GRIA1: variants seen among roughly 807,000 people sequenced by gnomAD.
GRIA1 encodes the protein glutamate receptor 1.
In GRIA1, 31 loss-of-function variants were observed where a neutral mutation model predicts 99.2. That is an observed-to-expected ratio of 0.31 (90% confidence interval 0.23 to 0.42). The LOEUF (loss-of-function observed/expected upper bound fraction) is 0.42, where lower values mean the gene tolerates loss of function less well. GRIA1 is among the 10% of genes least tolerant of loss of function. The pLI is 1.00. For missense variants in GRIA1, 782 were observed against 1,157.5 expected, an observed-to-expected ratio of 0.68 and a Z score of 4.71; for synonymous variants, 438 against 432.4, an observed-to-expected ratio of 1.01 and a Z score of -0.16.
intron 11 of GRIA1, among the ~76,000 whole-genome samples, chr5:153,725,046 C>G (rs988031481): frequency 5.3e-4 from 80 of 152,338 alleles, no homozygotes; most frequent in African/African-American, 1.7e-3. Context: ...AACAGCGGAT[C>G]TCTCGGCAGA....
At chr5:153,617,618 C>T (rs896701084) in intron 2 of GRIA1, among the ~76,000 whole-genome samples, 7 of 152,160 alleles carry the variant, frequency 4.6e-5, no homozygotes, top group African/African-American at 1.7e-4. Flanking sequence ...TTTCATTGAT[C>T]TCCTTGCCTC....
At chr5:153,636,890 G>A (rs11741455) in intron 2 of GRIA1, among the ~76,000 whole-genome samples, 11,355 of 152,288 alleles carry the variant, frequency 0.075, 556 homozygotes, top group Non-Finnish European at 0.11. Flanking sequence ...TGGACTCTCA[G>A]GGGATGGAGT....
chr5:153,496,010 C>T (rs1341908041), intron 2 of GRIA1, among the ~76,000 whole-genome samples: 2 of 152,198 alleles, frequency 1.3e-5, no homozygotes, highest in Admixed American at 6.5e-5. Context: ...TGTATTCACT[C>T]ATGCTGCTGA....
intron 1 of GRIA1, 42 bp from the exon 2 acceptor site, chr5:153,493,886 G>C: frequency 1.2e-6 from 2 of 1,610,466 alleles, no homozygotes; most frequent in Non-Finnish European, 1.7e-6. Context: ...ACTAAAACCT[G>C]TCTCTAGCCC....
At chr5:153,575,735 C>T (rs1026708586) in intron 2 of GRIA1, among the ~76,000 whole-genome samples, 1 of 152,202 alleles carries the variant, frequency 6.6e-6, no homozygotes, top group African/African-American at 2.4e-5. Flanking sequence ...CAAAGACTTT[C>T]TGATGTTCCC....
At chr5:153,552,122 T>C (rs1042655663) in intron 2 of GRIA1, among the ~76,000 whole-genome samples, 3 of 151,932 alleles carry the variant, frequency 2.0e-5, no homozygotes, top group Non-Finnish European at 4.4e-5. Flanking sequence ...ATGGATTGCA[T>C]CCAGTGATTT....
chr5:153,621,315 G>A (rs1292653695), intron 2 of GRIA1, among the ~76,000 whole-genome samples: 1 of 152,094 alleles, frequency 6.6e-6, no homozygotes, highest in African/African-American at 2.4e-5. Context: ...AGAAATTAAG[G>A]TTTAGGACAG....
intron 13 of GRIA1, among the ~76,000 whole-genome samples, chr5:153,780,420 C>T (rs899192066): frequency 6.6e-6 from 1 of 152,198 alleles, no homozygotes; most frequent in African/African-American, 2.4e-5. Context: ...CCCAGGTCTG[C>T]TAGTTAATAA....
intron 2 of GRIA1, among the ~76,000 whole-genome samples, chr5:153,590,186 C>G (rs981518280): frequency 4.6e-5 from 7 of 151,940 alleles, no homozygotes; most frequent in African/African-American, 1.2e-4. Context: ...TTCAGAAGAA[C>G]AGTTTCCTTC....
intron 2 of GRIA1, chr5:153,494,309 T>C (rs148615114): frequency 2.1e-6 from 1 of 477,230 alleles, no homozygotes; most frequent in African/African-American, 1.9e-5. Flanking sequence ...GCCAGCACGA[T>C]GGGTGCTTGG....
At chr5:153,490,008 C>T (rs79673965), upstream of GRIA1, among the ~76,000 whole-genome samples, 1,367 of 152,094 alleles carry the variant, frequency 9.0e-3, 32 homozygotes, top group African/African-American at 0.031. Flanking sequence ...GTCAAAATAC[C>T]TGCCAGTCAC....
intron 11 of GRIA1, among the ~76,000 whole-genome samples, chr5:153,752,499 T>C (rs953409029): frequency 2.0e-5 from 3 of 152,228 alleles, no homozygotes; most frequent in Non-Finnish European, 4.4e-5. Flanking sequence ...TTAAATATAC[T>C]GTGAGCTAAC....
At chr5:153,547,079 C>T (rs763190386) in intron 2 of GRIA1, among the ~76,000 whole-genome samples, 53 of 152,264 alleles carry the variant, frequency 3.5e-4, no homozygotes, top group Non-Finnish European at 5.0e-4. Flanking sequence ...AAGCTTAACC[C>T]GTGGGCCTCA....
intron 11 of GRIA1, among the ~76,000 whole-genome samples, chr5:153,751,676 C>T: frequency 6.6e-6 from 1 of 152,248 alleles, no homozygotes; most frequent in South Asian, 2.1e-4. Flanking sequence ...ACATTAGAAG[C>T]ACACATTTAA....
chr5:153,664,202 A>G (rs1203290411), intron 5 of GRIA1, among the ~76,000 whole-genome samples: 3 of 152,186 alleles, frequency 2.0e-5, no homozygotes, highest in Admixed American at 1.3e-4. Context: ...TTTTAGGTAA[A>G]TACTTACTAT....
intron 2 of GRIA1, among the ~76,000 whole-genome samples, chr5:153,537,227 G>T (rs1758663142): frequency 6.6e-6 from 1 of 152,124 alleles, no homozygotes; most frequent in Admixed American, 6.5e-5. Context: ...CATATCCCTG[G>T]CTCCTGACAC....
intron 8 of GRIA1, among the ~76,000 whole-genome samples, chr5:153,690,616 C>T (rs1004296636): frequency 2.6e-5 from 4 of 152,196 alleles, no homozygotes; most frequent in Non-Finnish European, 5.9e-5. Flanking sequence ...CTATAGGCCA[C>T]AGGGATTTTA....
intron 2 of GRIA1, among the ~76,000 whole-genome samples, chr5:153,580,403 C>T (rs1330804661): frequency 6.6e-6 from 1 of 152,144 alleles, no homozygotes; most frequent in African/African-American, 2.4e-5. Flanking sequence ...TACACATTAT[C>T]TTGGCCAATT....
At position 153,561,278 on chromosome 5, in the gene GRIA1, C is replaced by T. The variant is rs534670795; in HGVS notation, c.220+67213C>T. ...GACTCAGAATCTGATTCTCTGATTC[C>T]GCTGAGTCAGTTCTTGGCCAGGGTC... On this transcript the variant is annotated intron_variant, in intron 2 of 15. Transcript: ENST00000285900. 8.5e-5 allele frequency among the ~76,000 whole-genome samples: 13 copies of T among 152,234 alleles called. No individual in the cohort carries two copies. The East Asian group carries it at 1.7e-3, about 20-fold the overall frequency.
Sources: gnomAD v4.1 joint callset for allele counts (sites outside exome capture counted in the v4.1 genomes callset) on GRCh38, gnomAD v4.1.1 for gene constraint, MANE v1.5 for transcripts, NCBI Gene and HGNC (gene_info 2026-07-23, HGNC 2026-07-21) for gene names.